ADAM22: variants seen among roughly 807,000 people sequenced by gnomAD.
ADAM22 encodes the protein ADAM metallopeptidase domain 22.
In ADAM22, 65 loss-of-function variants were observed where a neutral mutation model predicts 144.6. The ratio of observed to expected loss-of-function variants is 0.45; its 90% CI spans 0.37 to 0.55. The LOEUF (loss-of-function observed/expected upper bound fraction) is 0.55, where lower values mean the gene tolerates loss of function less well. Among genes scored for constraint, ADAM22 ranks in the 20% least tolerant of loss-of-function variants. The pLI, the probability that ADAM22 is intolerant of heterozygous loss-of-function variation, is 0.00. For missense variants in ADAM22, 974 were observed against 1,184.9 expected (o/e 0.82, Z 2.61); for synonymous variants, 391 against 412.6 (o/e 0.95, Z 0.63).
chr7:88,155,923 T>C lies in ADAM22; in HGVS notation c.1824T>C (p.Ile608=), dbSNP rs750913431. ...VLCGYLLCTN[I]GNIPRLGELD... ...GTGGTTACCTTTTGTGTACCAATAT[T>C]GGCAATATCCCAAGGCTTGGAGAAC... Residue 608 remains isoleucine, a synonymous_variant, in exon 22 of 32, where the codon ATT becomes ATC. Coordinates refer to ENST00000413139, the MANE Select transcript of ADAM22 (RefSeq NM_001324418.2). 1 of 1,613,420 alleles carries C rather than the reference T, an allele frequency of 6.2e-7. No individual in the cohort carries two copies. Among genetic ancestry groups the C allele is most frequent in the Non-Finnish European group, 8.5e-7 (1 of 1,179,572 alleles).
intron 3 of ADAM22, among the ~76,000 whole-genome samples, chr7:88,036,461 T>C (rs1416827490): frequency 6.6e-6 from 1 of 152,196 alleles, no homozygotes; most frequent in African/African-American, 2.4e-5. Flanking sequence ...ATTTTTAATA[T>C]AGCAACCCAT....
intron 8 of ADAM22, among the ~76,000 whole-genome samples, chr7:88,127,023 G>T (rs1206762727): frequency 1.3e-5 from 2 of 151,530 alleles, no homozygotes; most frequent in Non-Finnish European, 2.9e-5. Flanking sequence ...TGTGTTCCAT[G>T]AATTACTACT....
intron 3 of ADAM22, among the ~76,000 whole-genome samples, chr7:88,069,743 C>A (rs911194654): frequency 2.0e-5 from 3 of 152,132 alleles, no homozygotes. Flanking sequence ...CAGGTGTAGA[C>A]CCTTGAACCA....
intron 2 of ADAM22, among the ~76,000 whole-genome samples, chr7:87,956,989 A>G (rs1214060343): frequency 6.6e-6 from 1 of 152,058 alleles, no homozygotes; most frequent in East Asian, 1.9e-4. Context: ...GTTCTGTTCT[A>G]TTTCATTTTC....
intron 2 of ADAM22, among the ~76,000 whole-genome samples, chr7:87,952,881 G>C (rs1845626724): frequency 6.6e-6 from 1 of 152,220 alleles, no homozygotes; most frequent in Non-Finnish European, 1.5e-5. Context: ...GAGGGTGTAT[G>C]TGTTGAGGAA....
intron 31 of ADAM22, 61 bp from the exon 32 acceptor site, chr7:88,196,410 T>C (rs1850683146): frequency 6.3e-7 from 1 of 1,589,762 alleles, no homozygotes; most frequent in Non-Finnish European, 8.6e-7. Flanking sequence ...TCATCTCCTA[T>C]TCAGAATACA....
intron 4 of ADAM22, among the ~76,000 whole-genome samples, chr7:88,102,549 G>A (rs978104166): frequency 6.6e-6 from 1 of 152,152 alleles, no homozygotes; most frequent in Non-Finnish European, 1.5e-5. Context: ...AAAAGCTCCC[G>A]GGTGATTCTG....
At position 88,196,766 on chromosome 7, in the gene ADAM22, A is replaced by G. The variant is rs1354949826; in HGVS notation, c.*275A>G. 6 of 458,608 alleles carry G rather than the reference A, an allele frequency of 1.3e-5. No individual in the cohort carries two copies. The highest frequency in any genetic ancestry group is 2.9e-5 in the South Asian group (1 of 34,282). The allele number at this position is 458,608 out of a possible 1,614,324, so 28.4% of individuals were successfully genotyped here. The stretch of plus-strand genomic sequence containing the variant: ...GGTATGTTAATGGATAATCCGCATG[A>G]CAGATAATATGTAGAAATATTCATA... On this transcript the variant is annotated 3_prime_UTR_variant, in exon 32 of 32. Coordinates refer to ENST00000413139, the MANE Select transcript of ADAM22 (RefSeq NM_001324418.2).
At chr7:87,986,683 T>G (rs1002249616) in intron 3 of ADAM22, among the ~76,000 whole-genome samples, 22 of 152,214 alleles carry the variant, frequency 1.4e-4, no homozygotes, top group Admixed American at 1.4e-3. Context: ...CTGGTTTATT[T>G]AAGCTTTCTG....
chr7:88,129,394 C>T (rs1386671037), intron 9 of ADAM22, among the ~76,000 whole-genome samples: 1 of 151,888 alleles, frequency 6.6e-6, no homozygotes, highest in Non-Finnish European at 1.5e-5. Context: ...TTACTTTGAA[C>T]TACTTATTTG....
At chr7:87,962,048 A>G (rs1042890151) in intron 2 of ADAM22, among the ~76,000 whole-genome samples, 2 of 152,174 alleles carry the variant, frequency 1.3e-5, no homozygotes, top group South Asian at 4.1e-4. Flanking sequence ...ATGACCACCA[A>G]ACTCACTAAC....
intron 4 of ADAM22, among the ~76,000 whole-genome samples, chr7:88,083,587 TTGTGTGTGTGTGTGTGTGTGTG>T (rs35145003): frequency 5.5e-5 from 7 of 126,746 alleles, no homozygotes; most frequent in East Asian, 4.7e-4. Context: ...TACTTTGTGT[TTGTGTGTGTGTGTGTGTGTGTG>T]TGTGTGTGTG....
intron 4 of ADAM22, among the ~76,000 whole-genome samples, chr7:88,100,122 T>C (rs1396277673): frequency 6.6e-6 from 1 of 152,152 alleles, no homozygotes; most frequent in Non-Finnish European, 1.5e-5. Flanking sequence ...CTGGGTGATA[T>C]ACTATACTTC....
intron 4 of ADAM22, among the ~76,000 whole-genome samples, chr7:88,086,473 A>T (rs1452888777): frequency 6.6e-6 from 1 of 152,182 alleles, no homozygotes; most frequent in Non-Finnish European, 1.5e-5. Context: ...CTTAAAAAGA[A>T]TTTTTTTCAA....
At position 88,029,468 on chromosome 7, in the gene ADAM22, C is replaced by T. The variant is rs945673811; in HGVS notation, c.324-46158C>T. ...TTGTAATTATTACTTTTAATCAGTTCATCTTTTTGTCTTTCTGTGTAAGAT... is the reference window on the plus strand; with the variant it reads ...TTGTAATTATTACTTTTAATCAGTTTATCTTTTTGTCTTTCTGTGTAAGAT... On this transcript the variant is annotated intron_variant, in intron 3 of 31. Coordinates refer to ENST00000413139, the MANE Select transcript of ADAM22 (RefSeq NM_001324418.2). Among the ~76,000 whole-genome samples, 7 of 151,970 alleles carry T rather than the reference C, an allele frequency of 4.6e-5. 1 individual carries two copies. Among genetic ancestry groups the T allele is most frequent in the South Asian group, 4.2e-4 (2 of 4,814 alleles).
At chr7:88,077,885 C>G (rs902808319) in intron 4 of ADAM22, among the ~76,000 whole-genome samples, 8 of 152,222 alleles carry the variant, frequency 5.3e-5, no homozygotes, top group South Asian at 2.1e-4. Flanking sequence ...CTCAAGGAGG[C>G]CTGCCTGCCT....
chr7:88,008,926 GAAAA>G (rs1188365132), intron 3 of ADAM22, among the ~76,000 whole-genome samples: 2 of 146,290 alleles, frequency 1.4e-5, no homozygotes, highest in Non-Finnish European at 3.0e-5. Context: ...AGAAAAAAAA[GAAAA>G]AAAAAGAAAT....
intron 3 of ADAM22, among the ~76,000 whole-genome samples, chr7:88,069,397 G>A (rs1812153976): frequency 6.6e-6 from 1 of 152,078 alleles, no homozygotes; most frequent in African/African-American, 2.4e-5. Flanking sequence ...TACCTAGTCT[G>A]TGATATTCTG....
At chr7:87,935,848 A>G (rs771650397) in intron 2 of ADAM22, among the ~76,000 whole-genome samples, 1 of 152,210 alleles carries the variant, frequency 6.6e-6, no homozygotes, top group Non-Finnish European at 1.5e-5. Flanking sequence ...TTATCACTGT[A>G]TCTGTATTTA....
Sources: gnomAD v4.1 joint callset for allele counts (sites outside exome capture counted in the v4.1 genomes callset) on GRCh38, gnomAD v4.1.1 for gene constraint, MANE v1.5 for transcripts, NCBI Gene and HGNC (gene_info 2026-07-23, HGNC 2026-07-21) for gene names.